Variants in SH3GL1 observed in about 807,000 individuals in gnomAD.
SH3GL1 encodes the protein endophilin-A2.
Under a neutral mutation model 48.8 loss-of-function variants are expected in SH3GL1, and 21 were observed. The observed-to-expected ratio is 0.43, with a 90% CI of 0.30 to 0.62. SH3GL1 has a LOEUF of 0.62. Among genes scored for constraint, SH3GL1 ranks in the 20% least tolerant of loss-of-function variants. SH3GL1 has a pLI of 0.11. For synonymous variants in SH3GL1, 282 were observed against 217.5 expected (o/e 1.30, Z -2.61); for missense variants, 454 against 503.0 (o/e 0.90, Z 0.93).
chr19:4,361,401 C>T lies in SH3GL1; in HGVS notation c.*199G>A, dbSNP rs1972606591. On this transcript the variant is annotated 3_prime_UTR_variant, in exon 10 of 10. Transcript: ENST00000269886. ...CGTTGGGAGTCAGCGCTAGTGTAAA[C>T]AGGCATCCCCACCCACCCAGATAAG... 2 of 587,764 alleles carry T rather than the reference C, an allele frequency of 3.4e-6. No homozygotes were observed. Among genetic ancestry groups the T allele is most frequent in the East Asian group, 5.7e-5 (2 of 35,392 alleles). 36.4% of individuals were successfully genotyped at this position (587,764 alleles called of 1,614,324 possible).
chr19:4,364,118 G>A lies in SH3GL1; in HGVS notation c.435C>T (p.Asn145=). The change falls in exon 5 of 10, where the codon AAC becomes AAT. Residue 145 remains asparagine, a synonymous_variant. Coordinates refer to ENST00000269886, the MANE Select transcript of SH3GL1 (RefSeq NM_003025.4). ...VKQNFIDPLQ[N]LCEKDLKEIQ... is the part of the protein sequence containing the mutation. ...TCTCCTTCAGGTCTTTCTCGCACAGGTTCTGGAGGGGGTCAATGAAGTTCT... is the reference window on the plus strand; with the variant it reads ...TCTCCTTCAGGTCTTTCTCGCACAGATTCTGGAGGGGGTCAATGAAGTTCT... 6.2e-7 allele frequency: 1 copy of A among 1,613,608 alleles called. No homozygotes were observed. Among genetic ancestry groups the A allele is most frequent in the Non-Finnish European group, 8.5e-7 (1 of 1,180,026 alleles).
intron 1 of SH3GL1, among the ~76,000 whole-genome samples, chr19:4,377,988 G>A (rs1973045325): frequency 1.3e-5 from 2 of 152,252 alleles, no homozygotes; most frequent in South Asian, 4.1e-4. Flanking sequence ...ATCGTCCTTG[G>A]AGGGACACCA....
At position 4,362,724 on chromosome 19, in the gene SH3GL1, A is replaced by G; in HGVS notation, c.741T>C (p.Ala247=). 6.2e-7 allele frequency: 1 copy of G among 1,613,982 alleles called. No homozygotes were observed. Among genetic ancestry groups the G allele is most frequent in the Non-Finnish European group, 8.5e-7 (1 of 1,180,020 alleles). Residue 247 remains alanine (A), a synonymous_variant, in exon 8 of 10, where the codon GCT becomes GCC. Transcript: ENST00000269886. ...AEKLKRRMRE[A]SSRPKREYKP... ...TATACTCCCGCTTAGGGCGTGAGGAAGCTTCCCGCATCCTGTGAAGGGAGA... is the reference window on the plus strand; with the variant it reads ...TATACTCCCGCTTAGGGCGTGAGGAGGCTTCCCGCATCCTGTGAAGGGAGA...
intron 1 of SH3GL1, among the ~76,000 whole-genome samples, chr19:4,383,022 G>A (rs2144904612): frequency 6.6e-6 from 1 of 152,144 alleles, no homozygotes; most frequent in Admixed American, 6.5e-5. Context: ...GGGTTCAAGT[G>A]AGTCTCCAGC....
At position 4,361,570 on chromosome 19, in the gene SH3GL1, A is replaced by G; in HGVS notation, c.*30T>C. 3 of 1,528,874 alleles carry G rather than the reference A, an allele frequency of 2.0e-6. No homozygotes were observed. Among genetic ancestry groups the G allele is most frequent in the East Asian group, 2.3e-5 (1 of 44,232 alleles). The allele number at this position is 1,528,874 out of a possible 1,614,324, so 94.7% of individuals were successfully genotyped here. A position where few individuals can be genotyped will look rare whatever the true frequency, so the allele number is the denominator to read the frequency against. On this transcript the variant is annotated 3_prime_UTR_variant, in exon 10 of 10. Coordinates refer to ENST00000269886, the MANE Select transcript of SH3GL1 (RefSeq NM_003025.4). Reference sequence around the variant, plus strand: ...CAGCAGGGGGTGCCGGCCAGTGTGGACGGAGGGGCGGGGCGGGGACACGGG... The same window carrying G: ...CAGCAGGGGGTGCCGGCCAGTGTGGGCGGAGGGGCGGGGCGGGGACACGGG...
At chr19:4,383,464 G>C (rs374844731) in intron 1 of SH3GL1, among the ~76,000 whole-genome samples, 4 of 151,610 alleles carry the variant, frequency 2.6e-5, no homozygotes, top group East Asian at 3.9e-4. Context: ...AAACTCCCAG[G>C]CTCAAGCCAT....
chr19:4,364,279 C>T (rs1446353608), intron 4 of SH3GL1, 58 bp from the exon 5 acceptor site: 1 of 1,600,722 alleles, frequency 6.2e-7, no homozygotes, highest in South Asian at 1.1e-5. Context: ...TAGACTGAGA[C>T]ACTCCTCAGC....
chr19:4,374,121 A>T (rs1237167502), intron 1 of SH3GL1, among the ~76,000 whole-genome samples: 1 of 152,202 alleles, frequency 6.6e-6, no homozygotes, highest in Admixed American at 6.5e-5. Context: ...GGGAGAAAAA[A>T]ACTTAGGCAA....
chr19:4,383,235 G>A (rs1365664694), intron 1 of SH3GL1, among the ~76,000 whole-genome samples: 1 of 142,858 alleles, frequency 7.0e-6, no homozygotes, highest in Non-Finnish European at 1.5e-5. Flanking sequence ...TTTTTTTTGA[G>A]ACCAGGTCTT....
chr19:4,395,701 T>C (rs1319767789), intron 1 of SH3GL1: 1 of 150,454 alleles, frequency 6.6e-6, no homozygotes, highest in African/African-American at 2.4e-5. Context: ...AGGTCAGGAG[T>C]TCAACACCAG....
intron 1 of SH3GL1, chr19:4,380,163 G>T (rs62129348): frequency 0.36 from 55,058 of 152,258 alleles, 10,299 homozygotes; most frequent in Non-Finnish European, 0.42. Flanking sequence ...TCCCTGCACC[G>T]GAAACTCTCC....
chr19:4,383,100 T>G (rs1182182797), intron 1 of SH3GL1, among the ~76,000 whole-genome samples: 4 of 152,062 alleles, frequency 2.6e-5, no homozygotes, highest in African/African-American at 9.7e-5. Flanking sequence ...GTATTTTTAA[T>G]AGAGGCAGGG....
intron 1 of SH3GL1, among the ~76,000 whole-genome samples, chr19:4,397,155 G>A (rs1973440437): frequency 6.6e-6 from 1 of 152,186 alleles, no homozygotes; most frequent in African/African-American, 2.4e-5. Context: ...TAACAGCTGA[G>A]ATGTCAGAGG....
intron 4 of SH3GL1, among the ~76,000 whole-genome samples, chr19:4,364,921 T>A (rs1487137702): frequency 7.4e-5 from 11 of 147,940 alleles, no homozygotes; most frequent in African/African-American, 2.7e-4. Context: ...TATATATTTT[T>A]TTTTTTTTAG....
intron 7 of SH3GL1, 55 bp from the exon 8 acceptor site, chr19:4,362,791 C>T (rs1972660096): frequency 1.2e-6 from 2 of 1,610,368 alleles, no homozygotes; most frequent in African/African-American, 2.7e-5. Context: ...GAGGCAGCCC[C>T]ACTCTTGTAT....
chr19:4,364,396 A>G, intron 4 of SH3GL1, 175 bp from the exon 5 acceptor site: 1 of 724,126 alleles, frequency 1.4e-6, no homozygotes, highest in Non-Finnish European at 2.3e-6. Flanking sequence ...CAGCCTCCCA[A>G]GTAGCCGGGA....
intron 1 of SH3GL1, among the ~76,000 whole-genome samples, chr19:4,369,709 C>T (rs1170663873): frequency 6.6e-6 from 1 of 152,212 alleles, no homozygotes; most frequent in East Asian, 1.9e-4. Context: ...CCTGAACCCC[C>T]ACAACCGCCT....
chr19:4,384,107 T>C (rs985880141), intron 1 of SH3GL1, among the ~76,000 whole-genome samples: 4 of 152,224 alleles, frequency 2.6e-5, no homozygotes, highest in African/African-American at 9.6e-5. Flanking sequence ...AGGTGCTTTC[T>C]GTGAGCGCGG....
In SH3GL1 at chr19:4,366,622, G is replaced by A. The variant is rs201243487; in HGVS notation, c.115-49C>T. The A allele has an allele frequency of 1.0e-5, 16 of 1,538,232 alleles. 1 individual carries two copies. The South Asian group carries it at 1.2e-4, about 12-fold the overall frequency. The stretch of plus-strand genomic sequence containing the variant: ...GACTCCACAGCCAGTGGGGGCCCAA[G>A]GCACACAAGACCCCCGCTGCTGCAC... On this transcript the variant is annotated intron_variant, in intron 2 of 9. Coordinates refer to ENST00000269886, the MANE Select transcript of SH3GL1 (RefSeq NM_003025.4).
Sources: gnomAD v4.1 joint callset for allele counts (sites outside exome capture counted in the v4.1 genomes callset) on GRCh38, gnomAD v4.1.1 for gene constraint, MANE v1.5 for transcripts, NCBI Gene and HGNC (gene_info 2026-07-23, HGNC 2026-07-21) for gene names.